The following ARHGAP42 variants were observed in gnomAD, a reference collection of about 807,000 sequenced individuals.
ARHGAP42 encodes Rho GTPase activating protein 42, also known as rho GTPase-activating protein 42.
In ARHGAP42, 63 loss-of-function variants were observed where a neutral mutation model predicts 125.0. That is an observed-to-expected ratio of 0.50 (90% CI 0.41 to 0.62). The LOEUF (loss-of-function observed/expected upper bound fraction) is 0.62. ARHGAP42 is among the 20% of genes least tolerant of loss of function. ARHGAP42 has a pLI of 0.00. For missense variants in ARHGAP42, 766 were observed against 1,024.2 expected (o/e 0.75, Z 3.44); for synonymous variants, 339 against 351.0 (o/e 0.97, Z 0.38).
intron 1 of ARHGAP42, among the ~76,000 whole-genome samples, chr11:100,763,834 C>T (rs1357085792): frequency 1.3e-5 from 2 of 152,162 alleles, no homozygotes; most frequent in Admixed American, 6.5e-5. Flanking sequence ...ATTTTATGTG[C>T]ATTTGCTGGT....
intron 10 of ARHGAP42, among the ~76,000 whole-genome samples, chr11:100,945,679 C>A (rs1005938137): frequency 6.6e-6 from 1 of 152,068 alleles, no homozygotes; most frequent in African/African-American, 2.4e-5. Context: ...TAGAAATAAA[C>A]CTCTTTAATC....
intron 1 of ARHGAP42, among the ~76,000 whole-genome samples, chr11:100,748,260 T>A (rs34215401): frequency 3.7e-3 from 565 of 152,346 alleles, no homozygotes; most frequent in Non-Finnish European, 5.5e-3. Flanking sequence ...CTTAGCTGAG[T>A]GCAAACAGCT....
At chr11:100,725,950 A>AC (rs1473353568) in intron 1 of ARHGAP42, among the ~76,000 whole-genome samples, 2 of 150,202 alleles carry the variant, frequency 1.3e-5, no homozygotes, top group East Asian at 3.9e-4. Flanking sequence ...AAAAAAAAAA[A>AC]AGCCAGGCAT....
At chr11:100,911,463 A>T (rs1171419244) in intron 4 of ARHGAP42, among the ~76,000 whole-genome samples, 1 of 152,134 alleles carries the variant, frequency 6.6e-6, no homozygotes, top group East Asian at 1.9e-4. Context: ...TTTGAGCTGG[A>T]TGCTAAAAGT....
intron 3 of ARHGAP42, among the ~76,000 whole-genome samples, chr11:100,832,019 A>G (rs1299871283): frequency 6.6e-6 from 1 of 152,218 alleles, no homozygotes; most frequent in Non-Finnish European, 1.5e-5. Context: ...TCTTGAATCC[A>G]CTGGGTCTGT....
At chr11:100,911,862 T>C (rs1866928767) in intron 4 of ARHGAP42, among the ~76,000 whole-genome samples, 1 of 152,160 alleles carries the variant, frequency 6.6e-6, no homozygotes. Context: ...GACCACATTT[T>C]CTCCTTAGGT....
chr11:100,733,410 G>A (rs968769060), intron 1 of ARHGAP42, among the ~76,000 whole-genome samples: 5 of 152,160 alleles, frequency 3.3e-5, no homozygotes, highest in African/African-American at 1.2e-4. Context: ...AATGAGAAAG[G>A]TTTGCAAACA....
Position 100,820,925 on chromosome 11 carries a change from T to A in ARHGAP42, c.312+25759T>A, listed in dbSNP as rs576785173. Among the ~76,000 whole-genome samples the A allele has an allele frequency of 4.0e-5, 6 of 150,636 alleles. No individual in the cohort carries two copies. In the South Asian group the frequency reaches 1.0e-3, roughly 26 times the overall value. ...TTTTAAGATAAAACTTTTTTTTTTT[T>A]AAATTAACTGTGGGTCATCTTTTTT... On this transcript the variant is annotated intron_variant, in intron 3 of 23. Coordinates refer to ENST00000298815, the MANE Select transcript of ARHGAP42 (RefSeq NM_152432.4).
chr11:100,978,561 A>G (rs1009618818), intron 21 of ARHGAP42, among the ~76,000 whole-genome samples: 2 of 150,532 alleles, frequency 1.3e-5, no homozygotes, highest in African/African-American at 4.8e-5. Context: ...AAATACATCA[A>G]TAGTATTATA....
At chr11:100,985,252 C>T (rs749200638) in intron 22 of ARHGAP42, among the ~76,000 whole-genome samples, 6 of 152,104 alleles carry the variant, frequency 3.9e-5, no homozygotes, top group African/African-American at 4.8e-5. Flanking sequence ...TCTACAACTT[C>T]GGAGATTGTT....
chr11:100,812,172 C>T (rs1444060903), intron 3 of ARHGAP42, among the ~76,000 whole-genome samples: 1 of 152,144 alleles, frequency 6.6e-6, no homozygotes, highest in Admixed American at 6.5e-5. Context: ...CAGCCAGGTT[C>T]TGCTTATATC....
At chr11:100,834,267 T>A (rs1226393176) in intron 3 of ARHGAP42, among the ~76,000 whole-genome samples, 1 of 152,138 alleles carries the variant, frequency 6.6e-6, no homozygotes, top group East Asian at 1.9e-4. Flanking sequence ...AATTCCAGAG[T>A]CAATTCATAT....
intron 4 of ARHGAP42, among the ~76,000 whole-genome samples, chr11:100,860,561 A>G (rs1252629538): frequency 6.6e-6 from 1 of 152,056 alleles, no homozygotes; most frequent in Non-Finnish European, 1.5e-5. Context: ...CCGGCTCTGT[A>G]TATACCTGAC....
At position 100,962,271 on chromosome 11, in the gene ARHGAP42, C is replaced by CT; in HGVS notation, c.1386-134dup. 5.5e-6 allele frequency: 4 copies of CT among 728,278 alleles called. No homozygotes were observed. The South Asian group carries it at 8.7e-5, about 16-fold the overall frequency. The allele number at this position is 728,278 out of a possible 1,614,324, so 45.1% of individuals were successfully genotyped here. A position where few individuals can be genotyped will look rare whatever the true frequency, so the allele number is the denominator to read the frequency against. On this transcript the variant is annotated intron_variant, in intron 15 of 23. Coordinates refer to ENST00000298815, the MANE Select transcript of ARHGAP42 (RefSeq NM_152432.4). ...TATCATACTGCCAAATCACCCAATT[C>CT]TTTTATTTACTTATTTATGTGTTAT... is the stretch of plus-strand genomic sequence containing the variant.
intron 22 of ARHGAP42, among the ~76,000 whole-genome samples, chr11:100,981,176 G>T (rs1471418792): frequency 6.6e-6 from 1 of 152,164 alleles, no homozygotes; most frequent in Non-Finnish European, 1.5e-5. Context: ...TTCTCAGCTT[G>T]CCACATTGTT....
At chr11:100,956,006 A>C (rs1425574845) in intron 12 of ARHGAP42, among the ~76,000 whole-genome samples, 1 of 152,144 alleles carries the variant, frequency 6.6e-6, no homozygotes, top group African/African-American at 2.4e-5. Context: ...ATTGGAAGAC[A>C]AACTATTTTA....
Position 100,971,357 on chromosome 11 carries a change from A to C in ARHGAP42, c.1551-1818A>C, listed in dbSNP as rs544803350. Among the ~76,000 whole-genome samples, 11 of 152,236 alleles carry C rather than the reference A, an allele frequency of 7.2e-5. No individual in the cohort carries two copies. The East Asian group carries it at 2.1e-3, about 29-fold the overall frequency. ...TTGGTTTCTTTATTTGTAAACTCCT[A>C]GATTTGAAACAATACAAGTTGACAG... On this transcript the variant is annotated intron_variant, in intron 17 of 23. Coordinates refer to ENST00000298815, the MANE Select transcript of ARHGAP42 (RefSeq NM_152432.4).
At chr11:100,888,494 A>G (rs1006840003) in intron 4 of ARHGAP42, among the ~76,000 whole-genome samples, 1 of 152,156 alleles carries the variant, frequency 6.6e-6, no homozygotes. Context: ...TATATTCCTA[A>G]TATTCTTTGG....
Position 100,796,146 on chromosome 11 carries a change from G to C in ARHGAP42, c.312+980G>C, listed in dbSNP as rs148330729. The stretch of plus-strand genomic sequence containing the variant: ...TTCTAACAGCATGTGTGTACTTTCT[G>C]TCTCTGTGTCACGTTTTGGTAATTC... On this transcript the variant is annotated intron_variant, in intron 3 of 23. Transcript: ENST00000298815. Among the ~76,000 whole-genome samples the C allele has an allele frequency of 8.5e-5, 13 of 152,170 alleles. No homozygotes were observed. In the East Asian group the frequency reaches 1.3e-3, roughly 16 times the overall value.
Sources: gnomAD v4.1 joint callset for allele counts (sites outside exome capture counted in the v4.1 genomes callset) on GRCh38, gnomAD v4.1.1 for gene constraint, MANE v1.5 for transcripts, NCBI Gene and HGNC (gene_info 2026-07-23, HGNC 2026-07-21) for gene names.